The following SDK1 variants were observed in gnomAD, a reference collection of about 807,000 sequenced individuals.
SDK1 encodes the protein protein sidekick-1.
SDK1 carries 157 observed loss-of-function variants against 245.5 expected under a neutral mutation model. The observed-to-expected ratio is 0.64, with a 90% confidence interval of 0.56 to 0.73. SDK1 has a LOEUF of 0.73. Among genes scored for constraint, SDK1 ranks in the 30% least tolerant of loss-of-function variants. SDK1 has a pLI of 0.00. For missense variants in SDK1, 3,583 were observed against 3,002.3 expected (o/e 1.19, Z -4.52); for synonymous variants, 1,647 against 1,278.5 (o/e 1.29, Z -6.15).
intron 28 of SDK1, among the ~76,000 whole-genome samples, chr7:4,137,678 C>G (rs112807835): frequency 8.5e-5 from 13 of 152,250 alleles, no homozygotes; most frequent in Admixed American, 8.5e-4. Flanking sequence ...CCCTTAAAAA[C>G]AGGGCTCCTC....
At chr7:3,883,384 A>C (rs1781254125) in intron 5 of SDK1, among the ~76,000 whole-genome samples, 1 of 152,250 alleles carries the variant, frequency 6.6e-6, no homozygotes, top group Non-Finnish European at 1.5e-5. Flanking sequence ...CTGAACGGCT[A>C]AGTGCTTGTT....
chr7:3,887,284 A>G (rs1781359472), intron 5 of SDK1, among the ~76,000 whole-genome samples: 1 of 152,184 alleles, frequency 6.6e-6, no homozygotes, highest in Non-Finnish European at 1.5e-5. Flanking sequence ...TTCACTCCAG[A>G]AATGATAATG....
At chr7:4,115,243 T>C (rs1423538834) in intron 25 of SDK1, among the ~76,000 whole-genome samples, 1 of 152,200 alleles carries the variant, frequency 6.6e-6, no homozygotes, top group African/African-American at 2.4e-5. Flanking sequence ...GCCCCAGGCT[T>C]CTTGGATGAG....
At chr7:3,823,267 A>C (rs543650594) in intron 5 of SDK1, among the ~76,000 whole-genome samples, 1 of 152,340 alleles carries the variant, frequency 6.6e-6, no homozygotes, top group South Asian at 2.1e-4. Flanking sequence ...AATGATTCCA[A>C]ACTTTACAGG....
chr7:4,225,077 G>A (rs1044468358), intron 40 of SDK1, among the ~76,000 whole-genome samples: 6 of 136,280 alleles, frequency 4.4e-5, no homozygotes, highest in East Asian at 2.6e-4. Context: ...CTCCCTGAAC[G>A]CCTGCCTCCC....
At chr7:4,116,725 AG>A (rs1783735993) in intron 25 of SDK1, among the ~76,000 whole-genome samples, 1 of 152,192 alleles carries the variant, frequency 6.6e-6, no homozygotes, top group African/African-American at 2.4e-5. Context: ...AGGACTCTTA[AG>A]CAGTAGCAGG....
chr7:3,307,633 C>T (rs1455995006), intron 1 of SDK1, among the ~76,000 whole-genome samples: 1 of 152,172 alleles, frequency 6.6e-6, no homozygotes, highest in Middle Eastern at 3.2e-3. Context: ...ATTCCATCAG[C>T]CTGATACCAA....
chr7:4,015,557 C>T (rs1786327698), intron 16 of SDK1, among the ~76,000 whole-genome samples: 1 of 152,208 alleles, frequency 6.6e-6, no homozygotes, highest in Non-Finnish European at 1.5e-5. Context: ...CAGTGGCCCA[C>T]CGCCTTGAGG....
chr7:4,127,335 A>G (rs769108896), intron 25 of SDK1, 46 bp from the exon 26 acceptor site: 17 of 1,380,658 alleles, frequency 1.2e-5, no homozygotes, highest in South Asian at 2.3e-5. Flanking sequence ...TTGTATGTAG[A>G]CACTCTAGAT....
chr7:4,090,169 C>T (rs955321183), intron 22 of SDK1, among the ~76,000 whole-genome samples: 1 of 152,166 alleles, frequency 6.6e-6, no homozygotes, highest in Admixed American at 6.5e-5. Context: ...TGAGATTTCT[C>T]CCCTCTAAAA....
At chr7:3,438,083 C>T (rs1052302277) in intron 1 of SDK1, among the ~76,000 whole-genome samples, 9 of 152,128 alleles carry the variant, frequency 5.9e-5, no homozygotes, top group Non-Finnish European at 1.0e-4. Context: ...TACAGCTAAC[C>T]CGCACCCCAG....
At chr7:3,986,594 C>T (rs537554126) in intron 13 of SDK1, among the ~76,000 whole-genome samples, 4 of 152,222 alleles carry the variant, frequency 2.6e-5, no homozygotes, top group East Asian at 1.9e-4. Flanking sequence ...GGCATGGTGG[C>T]TCACGCCTGT....
intron 35 of SDK1, among the ~76,000 whole-genome samples, chr7:4,196,038 T>A (rs765576867): frequency 4.6e-5 from 7 of 152,186 alleles, no homozygotes; most frequent in Non-Finnish European, 8.8e-5. Flanking sequence ...CCTCAAAGCT[T>A]ACCACCCTTC....
intron 1 of SDK1, among the ~76,000 whole-genome samples, chr7:3,567,281 G>C (rs142007812): frequency 9.9e-5 from 15 of 152,126 alleles, no homozygotes; most frequent in African/African-American, 3.6e-4. Flanking sequence ...CAGCGGCTTC[G>C]TGGGTTGTTG....
At chr7:3,394,554 G>C (rs1398436552) in intron 1 of SDK1, among the ~76,000 whole-genome samples, 1 of 151,770 alleles carries the variant, frequency 6.6e-6, no homozygotes, top group African/African-American at 2.4e-5. Flanking sequence ...ATTTCTGTGG[G>C]AATAAGCCTC....
At chr7:3,671,225 C>G (rs2128662829) in intron 4 of SDK1, among the ~76,000 whole-genome samples, 1 of 152,298 alleles carries the variant, frequency 6.6e-6, no homozygotes, top group East Asian at 1.9e-4. Flanking sequence ...CTTTAAATGT[C>G]AAGTCACTTC....
intron 4 of SDK1, among the ~76,000 whole-genome samples, chr7:3,740,496 T>A (rs1779448103): frequency 6.6e-6 from 1 of 151,944 alleles, no homozygotes; most frequent in South Asian, 2.1e-4. Flanking sequence ...CAGATACAGG[T>A]CAGATTTAGG....
intron 36 of SDK1, among the ~76,000 whole-genome samples, chr7:4,207,135 C>T (rs942167367): frequency 5.9e-5 from 9 of 152,344 alleles, no homozygotes; most frequent in South Asian, 2.1e-4. Context: ...TGGAAATGAA[C>T]GATGCTCACC....
rs140706952 is a variant in SDK1 at position 3,645,923 on chromosome 7, A to G, written c.713+3818A>G. Among the ~76,000 whole-genome samples the G allele has an allele frequency of 2.6e-4, 39 of 151,828 alleles. 1 individual carries two copies. The East Asian group carries it at 7.2e-3, about 28-fold the overall frequency. ...GCCCAGGCTGGAGTGCAGTGGCCCA[A>G]TCTAGGCTCACTGCAACCTCTGCCT... is the stretch of plus-strand genomic sequence containing the variant. On this transcript the variant is annotated intron_variant, in intron 4 of 44. Coordinates refer to ENST00000404826, the MANE Select transcript of SDK1 (RefSeq NM_152744.4).
Sources: allele counts gnomAD v4.1 joint callset (sites outside exome capture counted in the v4.1 genomes callset), GRCh38; gene constraint gnomAD v4.1.1; transcripts MANE v1.5; gene names NCBI Gene and HGNC (gene_info 2026-07-23, HGNC 2026-07-21).